The following KCNQ5 variants were observed in gnomAD, a reference collection of about 807,000 sequenced individuals.
KCNQ5 encodes the protein potassium voltage-gated channel subfamily Q member 5, also known as potassium voltage-gated channel subfamily KQT member 5.
In KCNQ5, 30 loss-of-function variants were observed where a neutral mutation model predicts 98.2. That is an observed-to-expected ratio of 0.31 (90% CI 0.23 to 0.41). The LOEUF (loss-of-function observed/expected upper bound fraction) is 0.41, where lower values mean the gene tolerates loss of function less well. Ranked by LOEUF, KCNQ5 falls within the 10% of genes least tolerant of loss-of-function variation. KCNQ5 has a pLI of 1.00. For missense variants in KCNQ5, 835 were observed against 1,182.5 expected, an observed-to-expected ratio of 0.71 and a Z score of 4.31; for synonymous variants, 458 against 449.4, an observed-to-expected ratio of 1.02 and a Z score of -0.24.
intron 1 of KCNQ5, among the ~76,000 whole-genome samples, chr6:72,664,581 G>A (rs954219409): frequency 3.3e-5 from 5 of 152,080 alleles, no homozygotes; most frequent in African/African-American, 1.2e-4. Flanking sequence ...CTTGAACCTG[G>A]GAGGCAGAGC....
intron 7 of KCNQ5, among the ~76,000 whole-genome samples, chr6:73,120,063 C>A (rs868196551): frequency 7.8e-5 from 11 of 140,708 alleles, no homozygotes; most frequent in Middle Eastern, 3.5e-3. Flanking sequence ...CATGGTGAAA[C>A]TCCATCTCTA....
intron 1 of KCNQ5, among the ~76,000 whole-genome samples, chr6:72,949,016 C>T (rs927848304): frequency 5.3e-5 from 8 of 151,960 alleles, no homozygotes; most frequent in African/African-American, 1.9e-4. Context: ...AAGTAGTGTT[C>T]CTTGATTGGC....
chr6:72,828,595 G>C (rs113863067), intron 1 of KCNQ5, among the ~76,000 whole-genome samples: 6 of 151,714 alleles, frequency 4.0e-5, no homozygotes, highest in Non-Finnish European at 8.8e-5. Context: ...TACTGAATTC[G>C]TTTATCAGTA....
In KCNQ5 at chr6:72,674,020, C is replaced by T. The variant is rs558491921; in HGVS notation, c.398+51433C>T. 4.6e-5 allele frequency among the ~76,000 whole-genome samples: 7 copies of T among 152,200 alleles called. 1 individual carries two copies. The East Asian group carries it at 7.7e-4, about 17-fold the overall frequency. On this transcript the variant is annotated intron_variant, in intron 1 of 13. Coordinates refer to ENST00000370398, the MANE Select transcript of KCNQ5 (RefSeq NM_019842.4). ...TTAGTATAATACGTTACTCTAAAAG[C>T]ATTGCTTCATTATTTGTTATATTAT...
chr6:73,055,142 TG>T, intron 3 of KCNQ5: 1 of 776,722 alleles, frequency 1.3e-6, no homozygotes, highest in Non-Finnish European at 2.4e-6. Flanking sequence ...CGAGAGTGAG[TG>T]GAACCTGGAG....
intron 2 of KCNQ5, among the ~76,000 whole-genome samples, chr6:73,034,319 A>T (rs1287568355): frequency 6.6e-6 from 1 of 152,244 alleles, no homozygotes; most frequent in Non-Finnish European, 1.5e-5. Flanking sequence ...ACAGCTGGGA[A>T]TTGATTATGT....
chr6:72,963,018 A>G (rs1415840682), intron 1 of KCNQ5, among the ~76,000 whole-genome samples: 1 of 152,214 alleles, frequency 6.6e-6, no homozygotes, highest in Non-Finnish European at 1.5e-5. Flanking sequence ...TCTAATGTTT[A>G]TAAGCTGAAA....
chr6:73,124,958 TATATATATATATATATATATATACACAC>T (rs1206305588), intron 9 of KCNQ5, among the ~76,000 whole-genome samples: 1,599 of 20,944 alleles, frequency 0.076, 68 homozygotes, highest in African/African-American at 0.12. Context: ...TATATATATA[TATATATATATATATATATATATACACAC>T]ACACACATAT....
At chr6:72,884,208 CA>C (rs1171410938) in intron 1 of KCNQ5, among the ~76,000 whole-genome samples, 1 of 152,142 alleles carries the variant, frequency 6.6e-6, no homozygotes, top group African/African-American at 2.4e-5. Context: ...ACTCCCTTGT[CA>C]ATCTAGGATA....
At position 72,698,085 on chromosome 6, in the gene KCNQ5, C is replaced by T. The variant is rs537599149; in HGVS notation, c.398+75498C>T. On this transcript the variant is annotated intron_variant, in intron 1 of 13. Transcript: ENST00000370398. ...AACAAATAAATAATAAAAGTGTGTC[C>T]GTTGATGTTTGTAATTGATTTCTAC... Among the ~76,000 whole-genome samples the T allele has an allele frequency of 3.3e-5, 5 of 152,116 alleles. No homozygotes were observed. In the East Asian group the frequency reaches 7.7e-4, roughly 23 times the overall value.
In KCNQ5 at chr6:72,622,666, G is replaced by T; in HGVS notation, c.398+79G>T. 1 of 1,516,456 alleles carries T rather than the reference G, an allele frequency of 6.6e-7. No homozygotes were observed. The highest frequency in any genetic ancestry group is 1.2e-5 in the South Asian group (1 of 83,670). The allele number at this position is 1,516,456 out of a possible 1,614,324, so 93.9% of individuals were successfully genotyped here. ...CCCCTGGGGCGTGCTCCGCGCTCGC[G>T]CCCTTGGGCCCCCGCGCGCGTGCAC... On this transcript the variant is annotated intron_variant, in intron 1 of 13. Transcript: ENST00000370398. This position sits in a 1 kb window ranked among gnomAD's most constrained non-coding sequence, Gnocchi z 6.0.
Position 72,678,912 on chromosome 6 carries a change from T to C in KCNQ5, c.398+56325T>C, listed in dbSNP as rs888564279. On this transcript the variant is annotated intron_variant, in intron 1 of 13. Coordinates refer to ENST00000370398, the MANE Select transcript of KCNQ5 (RefSeq NM_019842.4). ...GACATGAAGCACTTCTTTTATCTTA[T>C]TAGAAAAGCCAATAAAATGAAAGAA... Among the ~76,000 whole-genome samples the C allele has an allele frequency of 2.9e-4, 44 of 152,310 alleles. 2 individuals carry two copies. The highest frequency in any genetic ancestry group is 1.1e-3 in the African/African-American group (44 of 41,586).
At chr6:72,658,747 CTT>C (rs1176988133) in intron 1 of KCNQ5, among the ~76,000 whole-genome samples, 6 of 150,342 alleles carry the variant, frequency 4.0e-5, no homozygotes, top group Non-Finnish European at 7.4e-5. Context: ...TGCCCGGTAA[CTT>C]TTGTATTTTT....
intron 1 of KCNQ5, among the ~76,000 whole-genome samples, chr6:72,856,467 T>TAC (rs1176580825): frequency 3.4e-5 from 2 of 58,310 alleles, no homozygotes; most frequent in East Asian, 7.7e-4. Context: ...CACACACACA[T>TAC]ATATACACAC....
rs1267264705 is a variant in KCNQ5, at chr6:73,166,842, C to G, written c.1469-2904C>G. Among the ~76,000 whole-genome samples, 3 of 152,232 alleles carry G rather than the reference C, an allele frequency of 2.0e-5. No individual in the cohort carries two copies. In the East Asian group the frequency reaches 5.8e-4, roughly 29 times the overall value. ...GCATTACTCCAGTCTCTGCTTCCAT[C>G]TTCTCTGTGTCCCTATGTCTTTGCC... On this transcript the variant is annotated intron_variant, in intron 10 of 13. Transcript: ENST00000370398.
chr6:72,675,139 C>T (rs748944896), intron 1 of KCNQ5, among the ~76,000 whole-genome samples: 2 of 152,030 alleles, frequency 1.3e-5, no homozygotes, highest in Non-Finnish European at 2.9e-5. Context: ...AACCATAAAA[C>T]AAACAAAAAA....
chr6:72,647,813 A>G (rs1765676244), intron 1 of KCNQ5, among the ~76,000 whole-genome samples: 1 of 152,206 alleles, frequency 6.6e-6, no homozygotes, highest in Admixed American at 6.5e-5. Flanking sequence ...GACGATAAGC[A>G]TGAATAAGCT....
At chr6:72,930,778 G>A (rs766659656) in intron 1 of KCNQ5, among the ~76,000 whole-genome samples, 5 of 152,032 alleles carry the variant, frequency 3.3e-5, no homozygotes, top group Non-Finnish European at 5.9e-5. Context: ...ACAAATGTTC[G>A]CACCAGCTGT....
At chr6:73,194,050 G>A (rs1025267444) in intron 13 of KCNQ5, among the ~76,000 whole-genome samples, 7 of 152,038 alleles carry the variant, frequency 4.6e-5, no homozygotes, top group Non-Finnish European at 1.0e-4. Context: ...ATGTTGCCCA[G>A]GCTGGTCTCA....
Sources: allele counts gnomAD v4.1 joint callset (sites outside exome capture counted in the v4.1 genomes callset), GRCh38; gene constraint gnomAD v4.1.1; non-coding constraint Gnocchi (gnomAD v3.1); transcripts MANE v1.5; gene names NCBI Gene and HGNC (gene_info 2026-07-23, HGNC 2026-07-21).